Variants in IRAK1BP1 observed in about 807,000 individuals in gnomAD.
IRAK1BP1 encodes the protein interleukin 1 receptor associated kinase 1 binding protein 1, also known as interleukin-1 receptor-associated kinase 1-binding protein 1.
A neutral mutation model predicts 28.0 loss-of-function variants in IRAK1BP1; 24 were observed. The ratio of observed to expected loss-of-function variants is 0.86; its 90% confidence interval spans 0.62 to 1.20. The LOEUF is 1.20. Among genes scored for constraint, IRAK1BP1 ranks in the 50% most tolerant of loss-of-function variants. The pLI, the probability that IRAK1BP1 is intolerant of heterozygous loss-of-function variation, is 0.00. For synonymous variants in IRAK1BP1, 131 were observed against 116.3 expected (o/e 1.13, Z -0.81); for missense variants, 336 against 316.7 (o/e 1.06, Z -0.46).
At chr6:78,891,664 G>A (rs1392880092) in intron 2 of IRAK1BP1, among the ~76,000 whole-genome samples, 2 of 152,096 alleles carry the variant, frequency 1.3e-5, no homozygotes, top group African/African-American at 2.4e-5. Context: ...TTTTCACCAT[G>A]TTGGCCGGGC....
At chr6:78,978,928 C>G in the IRAK1BP1 span, among the ~76,000 whole-genome samples, 1 of 151,990 alleles carries the variant, frequency 6.6e-6, no homozygotes, top group Non-Finnish European at 1.5e-5. Flanking sequence ...CCACAAAGTT[C>G]CAACAGGCAA....
At chr6:78,925,972 G>A (rs886594837) in intron 4 of IRAK1BP1, among the ~76,000 whole-genome samples, 1 of 151,844 alleles carries the variant, frequency 6.6e-6, no homozygotes, top group Non-Finnish European at 1.5e-5. Flanking sequence ...TCTTATAAGC[G>A]GAAAATAAGC....
chr6:78,969,701 T>C, the IRAK1BP1 span: 1 of 490,392 alleles, frequency 2.0e-6, no homozygotes, highest in Non-Finnish European at 3.6e-6. Flanking sequence ...GTATCTTACT[T>C]TGCTATTAAC....
At chr6:78,953,778 A>T in the IRAK1BP1 span, among the ~76,000 whole-genome samples, 1 of 152,038 alleles carries the variant, frequency 6.6e-6, no homozygotes, top group Non-Finnish European at 1.5e-5. Flanking sequence ...TAGAGACGGG[A>T]TTTTACCATG....
At chr6:78,935,549 C>G (rs1332897778) in intron 4 of IRAK1BP1, 2 of 961,418 alleles carry the variant, frequency 2.1e-6, no homozygotes, top group African/African-American at 3.5e-5. Context: ...AAGTATTTAT[C>G]ACTCATCACA....
chr6:78,907,577 A>G (rs1299384343), downstream of IRAK1BP1, among the ~76,000 whole-genome samples: 1 of 152,170 alleles, frequency 6.6e-6, no homozygotes, highest in African/African-American at 2.4e-5. Context: ...TTCTGTGTTA[A>G]AACTAAAACT....
At chr6:78,894,237 T>G (rs1771800557) in intron 2 of IRAK1BP1, among the ~76,000 whole-genome samples, 1 of 152,122 alleles carries the variant, frequency 6.6e-6, no homozygotes, top group African/African-American at 2.4e-5. Flanking sequence ...AGGTTTAAAT[T>G]TACCCATGTC....
chr6:78,961,427 G>A, the IRAK1BP1 span, among the ~76,000 whole-genome samples: 1 of 151,822 alleles, frequency 6.6e-6, no homozygotes, highest in South Asian at 2.1e-4. Context: ...TCAGCCTCTA[G>A]GAAAAACTGT....
the IRAK1BP1 span, among the ~76,000 whole-genome samples, chr6:78,974,608 A>T: frequency 5.3e-5 from 8 of 152,250 alleles, no homozygotes; most frequent in African/African-American, 1.7e-4. Context: ...TGAAAGATCA[A>T]CAAAATCGAT....
intron 4 of IRAK1BP1, among the ~76,000 whole-genome samples, chr6:78,908,131 A>G (rs1211866528): frequency 6.7e-6 from 1 of 149,998 alleles, no homozygotes; most frequent in Admixed American, 6.7e-5. Flanking sequence ...GCTCACTGCC[A>G]CCTCTGCCTC....
downstream of IRAK1BP1, chr6:78,947,704 A>G (rs1237232512): frequency 3.2e-6 from 5 of 1,581,156 alleles, no homozygotes; most frequent in Admixed American, 3.3e-5. Context: ...TTGGTGACTC[A>G]TAATTCCCAG....
chr6:78,868,616 T>A (rs576372912), intron 1 of IRAK1BP1, among the ~76,000 whole-genome samples: 10 of 152,142 alleles, frequency 6.6e-5, no homozygotes, highest in African/African-American at 2.4e-4. Flanking sequence ...AGAAAAAAAA[T>A]GAAGCCATCA....
the IRAK1BP1 span, among the ~76,000 whole-genome samples, chr6:78,966,816 A>G: frequency 2.6e-5 from 4 of 152,214 alleles, no homozygotes; most frequent in African/African-American, 9.6e-5. Flanking sequence ...CCTGTTCCTC[A>G]GCTATCACAG....
rs1263377948 is a variant in IRAK1BP1, at chr6:78,867,620, T to C, written c.44T>C (p.Leu15Pro). The C allele has an allele frequency of 1.2e-5, 20 of 1,614,208 alleles. No homozygotes were observed. The highest frequency in any genetic ancestry group is 1.6e-5 in the Non-Finnish European group (19 of 1,180,030). Reference sequence around the variant, plus strand: ...CCTCCGACCCGAGTGTTCGTGGAACTGGTTCCCTGGGCTGACCGGAGCCGG... The same window carrying C: ...CCTCCGACCCGAGTGTTCGTGGAACCGGTTCCCTGGGCTGACCGGAGCCGG... ...KTPPTRVFVELVPWADRSREN... is the reference protein window; with the variant it reads ...KTPPTRVFVEPVPWADRSREN... The change falls in exon 1 of 4, where the codon CTG becomes CCG. Residue 15 changes from leucine (L) to proline (P), a missense_variant. By Grantham distance (98) the Leu-to-Pro change is moderately conservative. Transcript: ENST00000369940.
chr6:78,949,476 C>A (rs557231850), downstream of IRAK1BP1, among the ~76,000 whole-genome samples: 1 of 152,232 alleles, frequency 6.6e-6, no homozygotes, highest in Non-Finnish European at 1.5e-5. Context: ...CAACTAGATA[C>A]CTGTGCCCCA....
chr6:78,896,672 A>G (rs531381327), intron 2 of IRAK1BP1, among the ~76,000 whole-genome samples: 8 of 152,138 alleles, frequency 5.3e-5, no homozygotes, highest in African/African-American at 1.9e-4. Context: ...CAAAAGTGAT[A>G]TAATTCACTA....
intron 4 of IRAK1BP1, among the ~76,000 whole-genome samples, chr6:78,933,619 C>CA (rs975070392): frequency 6.7e-6 from 1 of 148,684 alleles, no homozygotes; most frequent in African/African-American, 2.5e-5. Context: ...CTGTCTCAAA[C>CA]AAAAACAAAA....
At chr6:78,945,197 T>A (rs1008798905) in intron 4 of IRAK1BP1, 6 of 852,822 alleles carry the variant, frequency 7.0e-6, no homozygotes, top group Non-Finnish European at 1.2e-5. Context: ...TGTGTGACTT[T>A]TAAGTGGGCA....
At chr6:78,920,224 A>T (rs1772685644) in intron 4 of IRAK1BP1, among the ~76,000 whole-genome samples, 1 of 152,222 alleles carries the variant, frequency 6.6e-6, no homozygotes, top group Non-Finnish European at 1.5e-5. Context: ...ACTGCACTCC[A>T]GCCTGGCAAC....
Sources: gnomAD v4.1 joint callset for allele counts (sites outside exome capture counted in the v4.1 genomes callset) on GRCh38, gnomAD v4.1.1 for gene constraint, MANE v1.5 for transcripts, NCBI Gene and HGNC (gene_info 2026-07-23, HGNC 2026-07-21) for gene names.